CFAP61: variants seen among roughly 807,000 people sequenced by gnomAD.
The protein encoded by CFAP61 is cilia- and flagella-associated protein 61.
A neutral mutation model predicts 135.6 loss-of-function variants in CFAP61; 107 were observed. The ratio of observed to expected loss-of-function variants is 0.79; its 90% CI spans 0.67 to 0.93. The LOEUF (loss-of-function observed/expected upper bound fraction) is 0.93. Among genes scored for constraint, CFAP61 ranks in the 40% least tolerant of loss-of-function variants. CFAP61 has a pLI of 0.00. For synonymous variants in CFAP61, 575 were observed against 578.5 expected (o/e 0.99, Z 0.09); for missense variants, 1,507 against 1,556.2 (o/e 0.97, Z 0.53).
chr20:20,089,845 G>A (rs2146613207), intron 6 of CFAP61, among the ~76,000 whole-genome samples: 1 of 152,280 alleles, frequency 6.6e-6, no homozygotes, highest in Middle Eastern at 3.4e-3. Flanking sequence ...AGGAGGGTGA[G>A]CAGTGCTCCA....
Position 20,160,618 on chromosome 20 carries a change from G to A in CFAP61, c.1026+1174G>A, listed in dbSNP as rs565726163. On this transcript the variant is annotated intron_variant, in intron 10 of 26. Transcript: ENST00000245957. ...TCCCAGCTAATTGCATGGAGGGGAG[G>A]AGAAAACACACAACCTGGGAGCAGG... Among the ~76,000 whole-genome samples, 410 of 152,276 alleles carry A rather than the reference G, an allele frequency of 2.7e-3. 2 individuals are homozygous for A. The highest frequency in any genetic ancestry group is 4.5e-3 in the Admixed American group (69 of 15,300).
At chr20:20,147,632 T>G (rs897936979) in intron 9 of CFAP61, among the ~76,000 whole-genome samples, 2 of 152,276 alleles carry the variant, frequency 1.3e-5, no homozygotes, top group African/African-American at 4.8e-5. Flanking sequence ...TTGTAGATTC[T>G]GGATACTAGT....
chr20:20,271,116 A>AC (rs1398088023), intron 21 of CFAP61, among the ~76,000 whole-genome samples: 12 of 151,950 alleles, frequency 7.9e-5, no homozygotes, highest in Non-Finnish European at 1.8e-4. Context: ...ACATAGCAAG[A>AC]CCCCATCTCT....
chr20:20,166,647 A>G (rs578051033), intron 12 of CFAP61, among the ~76,000 whole-genome samples: 3 of 152,350 alleles, frequency 2.0e-5, no homozygotes, highest in African/African-American at 7.2e-5. Flanking sequence ...CTTTAAATGC[A>G]AAATTTCTGT....
At chr20:20,254,920 C>T (rs563616757) in intron 20 of CFAP61, among the ~76,000 whole-genome samples, 5 of 152,342 alleles carry the variant, frequency 3.3e-5, no homozygotes, top group African/African-American at 1.2e-4. Flanking sequence ...TTGCACTGCA[C>T]GGCTAAGCAT....
chr20:20,126,128 T>C (rs6081882), intron 8 of CFAP61, among the ~76,000 whole-genome samples: 138,187 of 151,704 alleles, frequency 0.91, 63,116 homozygotes, highest in African/African-American at 0.98. Context: ...CTCCTGAAGG[T>C]AGCAGGTGGT....
At chr20:20,063,099 C>A (rs544678124) in intron 2 of CFAP61, among the ~76,000 whole-genome samples, 1 of 152,284 alleles carries the variant, frequency 6.6e-6, no homozygotes, top group East Asian at 1.9e-4. Flanking sequence ...AGTTTTAAAT[C>A]CTCCCGCCAA....
chr20:20,142,005 T>A lies in CFAP61; in HGVS notation c.860-852T>A, dbSNP rs1420952852. Among the ~76,000 whole-genome samples, 3 of 152,226 alleles carry A rather than the reference T, an allele frequency of 2.0e-5. No individual in the cohort carries two copies. The East Asian group carries it at 5.8e-4, about 29-fold the overall frequency. On this transcript the variant is annotated intron_variant, in intron 8 of 26. Transcript: ENST00000245957. ...TCCCAAAGGCTGAGAGCAGATGTCA[T>A]GGCTGAGAACTCCCAGCAGAGCGGA...
intron 6 of CFAP61, chr20:20,085,093 T>C: frequency 1.0e-6 from 1 of 985,290 alleles, no homozygotes; most frequent in Admixed American, 6.1e-5. Context: ...CTATTTCCGT[T>C]GCACTCTGTG....
chr20:20,169,931 T>C (rs1223110797), intron 13 of CFAP61, among the ~76,000 whole-genome samples: 1 of 152,156 alleles, frequency 6.6e-6, no homozygotes, highest in Non-Finnish European at 1.5e-5. Context: ...GATTAAAGAG[T>C]TAAATGTAAG....
intron 1 of CFAP61, among the ~76,000 whole-genome samples, chr20:20,054,172 C>T (rs768053710): frequency 2.0e-5 from 3 of 151,958 alleles, no homozygotes; most frequent in Non-Finnish European, 2.9e-5. Flanking sequence ...AATATACCAT[C>T]TCCTAGTTCT....
At chr20:20,055,456 C>T (rs725465) in intron 1 of CFAP61, among the ~76,000 whole-genome samples, 21,503 of 152,010 alleles carry the variant, frequency 0.14, 1,653 homozygotes, top group East Asian at 0.22. Context: ...CATCCAAAGT[C>T]CCAGGTAGAT....
chr20:20,111,319 A>G (rs1233096543), intron 8 of CFAP61, among the ~76,000 whole-genome samples: 1 of 152,162 alleles, frequency 6.6e-6, no homozygotes. Context: ...CAGGCCAAGA[A>G]CTTGCTACCG....
intron 25 of CFAP61, among the ~76,000 whole-genome samples, chr20:20,304,272 C>CTA (rs1555964362): frequency 9.7e-6 from 1 of 103,066 alleles, no homozygotes; most frequent in Non-Finnish European, 2.0e-5. Flanking sequence ...CCATCGGTGA[C>CTA]TGTGTGTGTG....
At chr20:20,091,723 A>C (rs1206905493) in intron 7 of CFAP61, among the ~76,000 whole-genome samples, 1 of 152,020 alleles carries the variant, frequency 6.6e-6, no homozygotes, top group East Asian at 1.9e-4. Flanking sequence ...TGTCACCCAG[A>C]CTGGAGTGCA....
At chr20:20,293,802 C>T (rs2055182578) in intron 24 of CFAP61, among the ~76,000 whole-genome samples, 1 of 152,150 alleles carries the variant, frequency 6.6e-6, no homozygotes, top group Non-Finnish European at 1.5e-5. Context: ...GGCGTATATA[C>T]CATGGAAGAA....
intron 15 of CFAP61, among the ~76,000 whole-genome samples, chr20:20,193,551 T>C (rs1179498609): frequency 6.6e-6 from 1 of 152,086 alleles, no homozygotes; most frequent in African/African-American, 2.4e-5. Flanking sequence ...TAAGTTTTCA[T>C]TGGTCCTCAT....
At chr20:20,081,270 A>C (rs2046410349) in intron 6 of CFAP61, among the ~76,000 whole-genome samples, 1 of 152,226 alleles carries the variant, frequency 6.6e-6, no homozygotes, top group South Asian at 2.1e-4. Context: ...GACAAAGGCA[A>C]ATTTCTAAAA....
Position 20,196,682 on chromosome 20 carries a change from G to A in CFAP61, c.1703G>A (p.Arg568Gln), listed in dbSNP as rs375519040. Residue 568 changes from arginine to glutamine, a missense_variant, in exon 16 of 27, where the codon CGG becomes CAG. Physicochemically the swap from Arg to Gln is conservative, Grantham distance 43. Coordinates refer to ENST00000245957, the MANE Select transcript of CFAP61 (RefSeq NM_015585.4). ...MHHFALNPIF[R>Q]HYTKFFLKEI... ...CACTTTGCCCTCAACCCCATTTTCC[G>A]GCACTACACCAAGTTCTTTCTGAAG... is the stretch of plus-strand genomic sequence containing the variant. 2.1e-5 allele frequency: 34 copies of A among 1,613,898 alleles called. No homozygotes were observed. Among genetic ancestry groups the A allele is most frequent in the African/African-American group, 1.1e-4 (8 of 74,858 alleles).
Sources: allele counts gnomAD v4.1 joint callset (sites outside exome capture counted in the v4.1 genomes callset), GRCh38; gene constraint gnomAD v4.1.1; transcripts MANE v1.5; gene names NCBI Gene and HGNC (gene_info 2026-07-23, HGNC 2026-07-21).